NDUFAF2: variants seen among roughly 807,000 people sequenced by gnomAD.
The protein encoded by NDUFAF2 is NADH dehydrogenase [ubiquinone] 1 alpha subcomplex assembly factor 2.
A neutral mutation model predicts 22.8 loss-of-function variants in NDUFAF2; 13 were observed. The ratio of observed to expected loss-of-function variants is 0.57; its 90% CI spans 0.37 to 0.91. The LOEUF is 0.91. NDUFAF2 is among the 40% of genes least tolerant of loss of function. The pLI is 0.01. For missense variants in NDUFAF2, 162 were observed against 195.2 expected (o/e 0.83, Z 1.01); for synonymous variants, 53 against 64.2 (o/e 0.83, Z 0.84).
intron 1 of NDUFAF2, among the ~76,000 whole-genome samples, chr5:60,974,835 A>T (rs1750881221): frequency 6.6e-6 from 1 of 152,050 alleles, no homozygotes; most frequent in Admixed American, 6.6e-5. Flanking sequence ...ATTTATTTTG[A>T]GACAGGGTCT....
intron 3 of NDUFAF2, among the ~76,000 whole-genome samples, chr5:61,107,312 T>C (rs889491297): frequency 1.3e-5 from 2 of 151,536 alleles, no homozygotes; most frequent in African/African-American, 2.4e-5. Context: ...GTTGTAGTTT[T>C]GGTTTGCATT....
At chr5:61,068,260 C>A (rs905272162) in intron 1 of NDUFAF2, among the ~76,000 whole-genome samples, 10 of 152,056 alleles carry the variant, frequency 6.6e-5, no homozygotes, top group African/African-American at 2.4e-4. Context: ...ACTTGCTTTA[C>A]TGCCTATGCT....
intron 1 of NDUFAF2, among the ~76,000 whole-genome samples, chr5:61,037,277 G>A (rs1370828910): frequency 6.6e-6 from 1 of 152,158 alleles, no homozygotes; most frequent in Non-Finnish European, 1.5e-5. Context: ...GCTTTGTAGA[G>A]AAAACAAAAC....
chr5:60,954,393 T>C (rs1750587320), intron 1 of NDUFAF2, among the ~76,000 whole-genome samples: 1 of 152,340 alleles, frequency 6.6e-6, no homozygotes, highest in South Asian at 2.1e-4. Flanking sequence ...GAAAGGTTCC[T>C]ATTAGAGCAC....
chr5:60,969,761 G>A (rs1750803916), intron 1 of NDUFAF2, among the ~76,000 whole-genome samples: 1 of 151,978 alleles, frequency 6.6e-6, no homozygotes, highest in Admixed American at 6.5e-5. Flanking sequence ...TGCTTTGGTT[G>A]CCTGCACCTG....
intron 2 of NDUFAF2, among the ~76,000 whole-genome samples, chr5:61,080,877 A>G (rs1752432481): frequency 6.6e-6 from 1 of 151,804 alleles, no homozygotes; most frequent in Non-Finnish European, 1.5e-5. Flanking sequence ...CCAGTTTATC[A>G]TTTTTTTCTT....
chr5:60,997,407 A>G (rs1751242096), intron 1 of NDUFAF2, among the ~76,000 whole-genome samples: 1 of 152,342 alleles, frequency 6.6e-6, no homozygotes, highest in East Asian at 1.9e-4. Flanking sequence ...TAAGTTAGCT[A>G]GAAGAAAGGA....
At chr5:61,075,757 A>G (rs1401072391) in intron 2 of NDUFAF2, among the ~76,000 whole-genome samples, 1 of 152,242 alleles carries the variant, frequency 6.6e-6, no homozygotes, top group African/African-American at 2.4e-5. Context: ...GGTACACATC[A>G]ATTAAATGTG....
rs74769174 is a variant in NDUFAF2 at position 61,137,645 on chromosome 5, A to C, written c.259-15059A>C. ...GCCAAGTGAAATACAGTGTGTTTAA[A>C]GAACAAAGAAGCTAGTGAGGTTGAA... On this transcript the variant is annotated intron_variant, in intron 3 of 3. Transcript: ENST00000296597. Among the ~76,000 whole-genome samples the C allele has an allele frequency of 7.2e-5, 11 of 152,360 alleles. No homozygotes were observed. The East Asian group carries it at 2.1e-3, about 29-fold the overall frequency.
intron 1 of NDUFAF2, among the ~76,000 whole-genome samples, chr5:61,020,408 A>G (rs1751562920): frequency 6.6e-6 from 1 of 152,128 alleles, no homozygotes; most frequent in African/African-American, 2.4e-5. Context: ...TGTATATTTT[A>G]CTATAAATAA....
chr5:61,040,287 C>CACACAT (rs1561548634), intron 1 of NDUFAF2, among the ~76,000 whole-genome samples: 1 of 58,186 alleles, frequency 1.7e-5, no homozygotes, highest in Admixed American at 1.6e-4. Context: ...CACACACACA[C>CACACAT]GCGCGCGCGC....
chr5:61,016,003 T>C (rs1332416235), intron 1 of NDUFAF2, among the ~76,000 whole-genome samples: 2 of 152,000 alleles, frequency 1.3e-5, no homozygotes, highest in Non-Finnish European at 2.9e-5. Context: ...CTGGCCAACA[T>C]GGTGAAACCC....
chr5:61,031,199 T>C (rs1281427153), intron 1 of NDUFAF2, among the ~76,000 whole-genome samples: 1 of 152,150 alleles, frequency 6.6e-6, no homozygotes, highest in Non-Finnish European at 1.5e-5. Flanking sequence ...AGTTTTGGGA[T>C]ACATGTGCAG....
intron 3 of NDUFAF2, among the ~76,000 whole-genome samples, chr5:61,148,397 C>A (rs2111833507): frequency 6.6e-6 from 1 of 152,326 alleles, no homozygotes; most frequent in East Asian, 1.9e-4. Flanking sequence ...GTTATTCCAT[C>A]TTTTGTCTGA....
chr5:61,069,652 C>T (rs181949930), intron 1 of NDUFAF2, among the ~76,000 whole-genome samples: 11 of 152,222 alleles, frequency 7.2e-5, no homozygotes, highest in Non-Finnish European at 1.6e-4. Flanking sequence ...CTAGAGGCTC[C>T]TTCCCATATC....
chr5:61,002,761 C>G (rs1429512457), intron 1 of NDUFAF2, among the ~76,000 whole-genome samples: 1 of 152,106 alleles, frequency 6.6e-6, no homozygotes, highest in Non-Finnish European at 1.5e-5. Context: ...ATTTCAATGT[C>G]ATTTTAGGTA....
chr5:60,956,002 C>T (rs1283117760), intron 1 of NDUFAF2, among the ~76,000 whole-genome samples: 1 of 151,548 alleles, frequency 6.6e-6, no homozygotes, highest in Non-Finnish European at 1.5e-5. Flanking sequence ...GCAACCTCTG[C>T]CCCTGGGGCC....
At chr5:61,005,638 T>C (rs1186527982) in intron 1 of NDUFAF2, among the ~76,000 whole-genome samples, 5 of 152,196 alleles carry the variant, frequency 3.3e-5, no homozygotes, top group Non-Finnish European at 7.3e-5. Flanking sequence ...TTCTAACTGG[T>C]GTGAGATGGT....
chr5:61,005,855 G>C (rs1273168976), intron 1 of NDUFAF2, among the ~76,000 whole-genome samples: 1 of 152,068 alleles, frequency 6.6e-6, no homozygotes, highest in African/African-American at 2.4e-5. Context: ...TTTGTGAGAT[G>C]GGTAGATTGT....
Sources: allele counts gnomAD v4.1 joint callset (sites outside exome capture counted in the v4.1 genomes callset), GRCh38; gene constraint gnomAD v4.1.1; transcripts MANE v1.5; gene names NCBI Gene and HGNC (gene_info 2026-07-23, HGNC 2026-07-21).